The following MOCOS variants were observed in gnomAD, a reference collection of about 807,000 sequenced individuals.
The protein encoded by MOCOS is human molybdenum cofactor sulfurase.
In MOCOS, 86 loss-of-function variants were observed where a neutral mutation model predicts 83.6. The observed-to-expected ratio is 1.03, with a 90% CI of 0.86 to 1.23. The LOEUF (loss-of-function observed/expected upper bound fraction) is 1.23. MOCOS is among the 50% of genes most tolerant of loss of function. MOCOS has a pLI of 0.00. For synonymous variants in MOCOS, 445 were observed against 434.7 expected (o/e 1.02, Z -0.29); for missense variants, 1,120 against 1,126.9 (o/e 0.99, Z 0.09).
At position 36,248,934 on chromosome 18, in the gene MOCOS, T is replaced by C. The variant is rs775781288; in HGVS notation, c.1973T>C (p.Ile658Thr). 6.8e-6 allele frequency: 11 copies of C among 1,613,868 alleles called. No individual in the cohort carries two copies. In the Admixed American group the frequency reaches 1.8e-4, roughly 27 times the overall value. Reference protein sequence around the residue: ...MVIKAKGMEPIEVPLEENSER... With the variant: ...MVIKAKGMEPTEVPLEENSER... ...CTTTGTTCATTAGGGATGGAGCCTA[T>C]AGAGGTGCCTCTTGAGGAAAATAGT... The change falls in exon 10 of 15, where the codon ATA (isoleucine) becomes ACA (threonine). Residue 658 changes from isoleucine (I) to threonine (T), a missense_variant. By Grantham distance (89) the Ile-to-Thr change is moderately conservative. Transcript: ENST00000261326.
intron 6 of MOCOS, among the ~76,000 whole-genome samples, chr18:36,210,872 A>AAAAAAAAAAAAAAAG (rs1452621472): frequency 1.4e-5 from 2 of 140,844 alleles, no homozygotes; most frequent in Non-Finnish European, 3.1e-5. Context: ...AAAAAAAAAA[A>AAAAAAAAAAAAAAAG]AAAAAAAAGT....
In MOCOS at chr18:36,269,042, C is replaced by T; in HGVS notation, c.*357C>T. The T allele has an allele frequency of 3.4e-6, 1 of 294,826 alleles. No individual in the cohort carries two copies. The highest frequency in any genetic ancestry group is 6.5e-6 in the Non-Finnish European group (1 of 154,258). 18.3% of individuals were successfully genotyped at this position (294,826 alleles called of 1,614,324 possible). On this transcript the variant is annotated 3_prime_UTR_variant, in exon 15 of 15. Coordinates refer to ENST00000261326, the MANE Select transcript of MOCOS (RefSeq NM_017947.4). ...ATTTTGCCATTTTCTCACATTGTTA[C>T]TTTGTTTTTAGAGAGCATCTTTGGA...
At chr18:36,227,678 G>A (rs1429242148) in intron 9 of MOCOS, among the ~76,000 whole-genome samples, 2 of 152,124 alleles carry the variant, frequency 1.3e-5, no homozygotes, top group Non-Finnish European at 2.9e-5. Flanking sequence ...TTATAGGTGT[G>A]AGCCACTGTG....
At chr18:36,194,488 C>A (rs2091379259) in intron 1 of MOCOS, among the ~76,000 whole-genome samples, 1 of 152,154 alleles carries the variant, frequency 6.6e-6, no homozygotes, top group African/African-American at 2.4e-5. Context: ...CTATTGCAGG[C>A]AATAGTTCGT....
rs760882685 is a variant in MOCOS at position 36,220,246 on chromosome 18, C to T, written c.1960+29C>T. 164 of 1,612,834 alleles carry T rather than the reference C, an allele frequency of 1.0e-4. 2 individuals are homozygous for T. In the South Asian group the frequency reaches 1.7e-3, roughly 17 times the overall value. The stretch of plus-strand genomic sequence containing the variant: ...GGAAAACTGCTTCATTTTCACAGAG[C>T]AGCTCCCAACAGCAGCTTTTATATT... On this transcript the variant is annotated intron_variant, in intron 9 of 14. Coordinates refer to ENST00000261326, the MANE Select transcript of MOCOS (RefSeq NM_017947.4).
chr18:36,239,410 AT>A (rs202241929), intron 9 of MOCOS, among the ~76,000 whole-genome samples: 8,198 of 150,070 alleles, frequency 0.055, 729 homozygotes, highest in African/African-American at 0.19. Flanking sequence ...GTTTGGCTGG[AT>A]ATGAAATTCT....
At position 36,257,036 on chromosome 18, in the gene MOCOS, T is replaced by C; in HGVS notation, c.2233T>C (p.Ser745Pro). Residue 745 changes from serine to proline, a missense_variant, in exon 12 of 15, where the codon TCC (serine) becomes CCC (proline). Transcript: ENST00000261326. ...NEAQYLLINTSSILELHRQLN... is the reference protein window; with the variant it reads ...NEAQYLLINTPSILELHRQLN... ...GGCACAGTATCTGCTGATCAACACA[T>C]CCAGTATTTTGGAACTTCACCGGCA... 1 of 1,614,070 alleles carries C rather than the reference T, an allele frequency of 6.2e-7. No homozygotes were observed. The highest frequency in any genetic ancestry group is 2.2e-5 in the East Asian group (1 of 44,876).
At chr18:36,230,392 A>G (rs374609203) in intron 9 of MOCOS, among the ~76,000 whole-genome samples, 5 of 152,168 alleles carry the variant, frequency 3.3e-5, no homozygotes, top group Non-Finnish European at 5.9e-5. Context: ...GCCTGTGTCT[A>G]TGCATTAGAC....
At chr18:36,245,006 T>C (rs1265930464) in intron 9 of MOCOS, among the ~76,000 whole-genome samples, 1 of 152,150 alleles carries the variant, frequency 6.6e-6, no homozygotes, top group Non-Finnish European at 1.5e-5. Context: ...TCATCAAGTT[T>C]ATATGAGTCC....
intron 6 of MOCOS, among the ~76,000 whole-genome samples, chr18:36,208,374 TA>T (rs2091442143): frequency 1.3e-5 from 2 of 152,358 alleles, no homozygotes; most frequent in East Asian, 3.8e-4. Context: ...ATTGACTCTG[TA>T]AATTGCTTTG....
chr18:36,194,470 AT>A (rs2091379219), intron 1 of MOCOS, among the ~76,000 whole-genome samples: 1 of 152,202 alleles, frequency 6.6e-6, no homozygotes, highest in African/African-American at 2.4e-5. Context: ...GTTGTTTCCA[AT>A]CTTTTGCTAT....
Position 36,215,936 on chromosome 18 carries a change from A to G in MOCOS, c.1756A>G (p.Asn586Asp), listed in dbSNP as rs2091475107. The G allele has an allele frequency of 6.2e-7, 1 of 1,613,644 alleles. No homozygotes were observed. Among genetic ancestry groups the G allele is most frequent in the African/African-American group, 1.3e-5 (1 of 74,946 alleles). Residue 586 changes from asparagine to aspartate, a missense_variant, in exon 8 of 15, where the codon AAC becomes GAC. Physicochemically the swap from Asn to Asp is conservative, Grantham distance 23. Coordinates refer to ENST00000261326, the MANE Select transcript of MOCOS (RefSeq NM_017947.4). ...GGCCCTTGGGCCACATGTTGTCACT[A>G]ACCTTTATCTCTATCCAATCAAATC... ...EGALGPHVVT[N>D]LYLYPIKSCA... is the part of the protein sequence containing the mutation.
chr18:36,206,847 G>A (rs1286553732), intron 6 of MOCOS, among the ~76,000 whole-genome samples: 1 of 152,172 alleles, frequency 6.6e-6, no homozygotes, highest in Admixed American at 6.5e-5. Flanking sequence ...GTATCCCAGG[G>A]TGTAAATGTA....
chr18:36,206,354 C>T (rs1445317478), intron 6 of MOCOS, among the ~76,000 whole-genome samples: 4 of 136,610 alleles, frequency 2.9e-5, no homozygotes, highest in Non-Finnish European at 4.5e-5. Flanking sequence ...TCAAGTGATT[C>T]TCTCACCTCA....
intron 9 of MOCOS, among the ~76,000 whole-genome samples, chr18:36,243,113 A>G (rs989696549): frequency 6.6e-6 from 1 of 152,106 alleles, no homozygotes; most frequent in African/African-American, 2.4e-5. Flanking sequence ...TGATTTGTGT[A>G]CGTTGATTTT....
chr18:36,211,640 C>T (rs1280178908), intron 6 of MOCOS, among the ~76,000 whole-genome samples: 2 of 152,024 alleles, frequency 1.3e-5, no homozygotes, highest in African/African-American at 4.8e-5. Context: ...TGGCTGGGCA[C>T]AGTCTGGGCC....
intron 9 of MOCOS, among the ~76,000 whole-genome samples, chr18:36,223,368 CTT>C (rs1023901410): frequency 6.6e-6 from 1 of 152,120 alleles, no homozygotes; most frequent in African/African-American, 2.4e-5. Context: ...ATTGTGTTTT[CTT>C]GACACCCTTT....
intron 13 of MOCOS, among the ~76,000 whole-genome samples, chr18:36,262,988 G>A (rs991676762): frequency 6.6e-6 from 1 of 152,110 alleles, no homozygotes; most frequent in Non-Finnish European, 1.5e-5. Context: ...ACATCCCTGT[G>A]GTCTCAGCTA....
chr18:36,251,763 A>C (rs1285766448), intron 11 of MOCOS, among the ~76,000 whole-genome samples: 1 of 152,084 alleles, frequency 6.6e-6, no homozygotes, highest in African/African-American at 2.4e-5. Context: ...TCCCACCTTA[A>C]GCCATTGTTA....
Sources: gnomAD v4.1 joint callset for allele counts (sites outside exome capture counted in the v4.1 genomes callset) on GRCh38, gnomAD v4.1.1 for gene constraint, MANE v1.5 for transcripts, NCBI Gene and HGNC (gene_info 2026-07-23, HGNC 2026-07-21) for gene names.